Variants in CNTNAP5 observed in about 807,000 individuals in gnomAD.
The protein encoded by CNTNAP5 is contactin associated protein family member 5, also known as contactin-associated protein-like 5.
CNTNAP5 carries 72 observed loss-of-function variants against 150.2 expected under a neutral mutation model. The ratio of observed to expected loss-of-function variants is 0.48; its 90% confidence interval spans 0.40 to 0.58. The LOEUF (loss-of-function observed/expected upper bound fraction) is 0.58. Ranked by LOEUF, CNTNAP5 falls within the 20% of genes least tolerant of loss-of-function variation. The pLI is 0.00. For synonymous variants in CNTNAP5, 672 were observed against 619.8 expected, an observed-to-expected ratio of 1.08 and a Z score of -1.25; for missense variants, 1,636 against 1,626.2, an observed-to-expected ratio of 1.01 and a Z score of -0.10.
chr2:124,414,317 G>A lies in CNTNAP5; in HGVS notation c.382-3126G>A, dbSNP rs185147041. ...GACTTTGATCCACTGGTGAACTTGGGGAGGGGCTGATTGTAGCTTTGTTTA... is the reference window on the plus strand; with the variant it reads ...GACTTTGATCCACTGGTGAACTTGGAGAGGGGCTGATTGTAGCTTTGTTTA... On this transcript the variant is annotated intron_variant, in intron 3 of 23. Transcript: ENST00000682447. 2.4e-4 allele frequency among the ~76,000 whole-genome samples: 36 copies of A among 152,116 alleles called. No homozygotes were observed. In the East Asian group the frequency reaches 6.2e-3, roughly 26 times the overall value.
chr2:124,760,437 T>A (rs1423036107), intron 14 of CNTNAP5, among the ~76,000 whole-genome samples: 1 of 152,030 alleles, frequency 6.6e-6, no homozygotes, highest in African/African-American at 2.4e-5. Flanking sequence ...TCTGTGACAT[T>A]TCATCAAACC....
chr2:124,735,164 A>G (rs887740229), intron 13 of CNTNAP5, among the ~76,000 whole-genome samples: 1 of 152,270 alleles, frequency 6.6e-6, no homozygotes, highest in East Asian at 1.9e-4. Flanking sequence ...TTTTAGTTGA[A>G]TCAATGACTG....
At chr2:124,524,137 A>T (rs1360722838) in intron 8 of CNTNAP5, among the ~76,000 whole-genome samples, 166 bp from the exon 9 acceptor site, 1 of 152,102 alleles carries the variant, frequency 6.6e-6, no homozygotes, top group Non-Finnish European at 1.5e-5. Context: ...CAAGAAGAGG[A>T]AGAACAATGC....
Position 124,221,727 on chromosome 2 carries a change from A to G in CNTNAP5, c.105A>G (p.Ala35=). The G allele has an allele frequency of 6.2e-7, 1 of 1,611,168 alleles. No individual in the cohort carries two copies. Among genetic ancestry groups the G allele is most frequent in the Non-Finnish European group, 8.5e-7 (1 of 1,178,302 alleles). Reference sequence around the variant, plus strand: ...TAGACAACTGTGATGATCCACTAGCATCCCTGCTCTCTCCAATGGCTTTTT... The same window carrying G: ...TAGACAACTGTGATGATCCACTAGCGTCCCTGCTCTCTCCAATGGCTTTTT... The part of the protein sequence containing the change: ...ATNYNCDDPL[A]SLLSPMAFSS... The change falls in exon 2 of 24, where the codon GCA becomes GCG. Residue 35 remains alanine, a synonymous_variant. Transcript: ENST00000682447.
intron 12 of CNTNAP5, among the ~76,000 whole-genome samples, chr2:124,636,900 T>TCTCTTTTTCTCCTCTCCTCTG (rs753550040): frequency 0.38 from 57,960 of 151,734 alleles, 12,890 homozygotes; most frequent in Non-Finnish European, 0.51. Flanking sequence ...CCTCATCTCT[T>TCTCTTTTTCTCCTCTCCTCTG]TCTCTTTTTC....
At chr2:124,881,819 C>T (rs1677970469) in intron 21 of CNTNAP5, among the ~76,000 whole-genome samples, 1 of 152,056 alleles carries the variant, frequency 6.6e-6, no homozygotes, top group Non-Finnish European at 1.5e-5. Flanking sequence ...ATATTCTTAT[C>T]ACTCCCACTT....
intron 11 of CNTNAP5, among the ~76,000 whole-genome samples, chr2:124,601,351 C>A: frequency 6.6e-6 from 1 of 152,168 alleles, no homozygotes; most frequent in East Asian, 1.9e-4. Flanking sequence ...GTGAGCATTT[C>A]TCACAAAATT....
chr2:124,547,061 A>C (rs1695528309), intron 10 of CNTNAP5, among the ~76,000 whole-genome samples: 1 of 152,114 alleles, frequency 6.6e-6, no homozygotes. Flanking sequence ...TCCCCTGTCA[A>C]ACCCACTACC....
chr2:124,421,148 T>C (rs1692095146), intron 4 of CNTNAP5, among the ~76,000 whole-genome samples: 2 of 152,228 alleles, frequency 1.3e-5, no homozygotes, highest in South Asian at 4.1e-4. Flanking sequence ...CTTTGCTGAA[T>C]TGACAGAGTT....
chr2:124,599,420 T>G (rs1696928161), intron 11 of CNTNAP5, among the ~76,000 whole-genome samples: 1 of 152,136 alleles, frequency 6.6e-6, no homozygotes, highest in Non-Finnish European at 1.5e-5. Flanking sequence ...AACATTCCCT[T>G]GGCCATTATG....
intron 3 of CNTNAP5, among the ~76,000 whole-genome samples, chr2:124,366,800 G>A (rs1488840509): frequency 6.6e-6 from 1 of 152,180 alleles, no homozygotes; most frequent in African/African-American, 2.4e-5. Context: ...AAAGAGGGCT[G>A]AGTCTTATCC....
intron 14 of CNTNAP5, among the ~76,000 whole-genome samples, chr2:124,748,268 T>C (rs1269629227): frequency 8.5e-5 from 13 of 152,184 alleles, no homozygotes; most frequent in Non-Finnish European, 1.5e-5. Context: ...ATTTTCCCAG[T>C]GTCAAACATG....
chr2:124,584,867 G>A (rs552395877), intron 11 of CNTNAP5, among the ~76,000 whole-genome samples: 7 of 152,150 alleles, frequency 4.6e-5, no homozygotes, highest in African/African-American at 9.6e-5. Flanking sequence ...TTTGTTTTCC[G>A]CATTTAGAGG....
intron 6 of CNTNAP5, among the ~76,000 whole-genome samples, chr2:124,454,373 C>G (rs1693064233): frequency 6.6e-6 from 1 of 152,114 alleles, no homozygotes; most frequent in African/African-American, 2.4e-5. Flanking sequence ...TATATATGCA[C>G]CTAACTCTGG....
chr2:124,890,290 G>T (rs1181235800), intron 21 of CNTNAP5, among the ~76,000 whole-genome samples: 1 of 152,058 alleles, frequency 6.6e-6, no homozygotes, highest in African/African-American at 2.4e-5. Context: ...GAAGTGCCCA[G>T]GTTTTGCTTC....
At chr2:124,708,717 T>A (rs575794024) in intron 13 of CNTNAP5, among the ~76,000 whole-genome samples, 2 of 152,160 alleles carry the variant, frequency 1.3e-5, no homozygotes, top group African/African-American at 4.8e-5. Context: ...TAAGAATGAG[T>A]CTGACTATGT....
chr2:124,777,059 C>T (rs1203591831), intron 17 of CNTNAP5, among the ~76,000 whole-genome samples: 4 of 151,592 alleles, frequency 2.6e-5, no homozygotes, highest in African/African-American at 9.7e-5. Flanking sequence ...TGAGCGCTAG[C>T]GGGCAGGTCC....
intron 1 of CNTNAP5, among the ~76,000 whole-genome samples, chr2:124,119,677 G>A (rs1683515232): frequency 6.6e-6 from 1 of 152,156 alleles, no homozygotes; most frequent in African/African-American, 2.4e-5. Flanking sequence ...AGAGACCTAG[G>A]AGGGATGATC....
chr2:124,065,113 G>A (rs1360739135), intron 1 of CNTNAP5, among the ~76,000 whole-genome samples: 1 of 152,126 alleles, frequency 6.6e-6, no homozygotes, highest in African/African-American at 2.4e-5. Flanking sequence ...AATGGTTTGA[G>A]TACATGGAGA....
Sources: allele counts gnomAD v4.1 joint callset (sites outside exome capture counted in the v4.1 genomes callset), GRCh38; gene constraint gnomAD v4.1.1; transcripts MANE v1.5; gene names NCBI Gene and HGNC (gene_info 2026-07-23, HGNC 2026-07-21).